Variants in KALRN observed in about 807,000 individuals in gnomAD.
The protein encoded by KALRN is kalirin RhoGEF kinase.
In KALRN, 70 loss-of-function variants were observed where a neutral mutation model predicts 353.7. That is an observed-to-expected ratio of 0.20 (90% CI 0.16 to 0.24). KALRN has a LOEUF of 0.24. Ranked by LOEUF, KALRN falls within the 10% of genes least tolerant of loss-of-function variation. The pLI, the probability that KALRN is intolerant of heterozygous loss-of-function variation, is 1.00. For synonymous variants in KALRN, 1,391 were observed against 1,434.8 expected, an observed-to-expected ratio of 0.97 and a Z score of 0.69; for missense variants, 2,791 against 3,756.7, an observed-to-expected ratio of 0.74 and a Z score of 6.72.
chr3:124,107,584 C>CT (rs930332676), intron 1 of KALRN, among the ~76,000 whole-genome samples: 2 of 152,124 alleles, frequency 1.3e-5, no homozygotes, highest in African/African-American at 4.8e-5. Context: ...TAACTGCTGC[C>CT]TCATGCCTGG....
At chr3:124,287,518 A>G (rs1434010535) in intron 5 of KALRN, among the ~76,000 whole-genome samples, 1 of 151,442 alleles carries the variant, frequency 6.6e-6, no homozygotes, top group East Asian at 2.0e-4. Flanking sequence ...AAATATCCTC[A>G]GGGAGAAAGC....
At chr3:124,116,749 A>G (rs565673602) in intron 1 of KALRN, among the ~76,000 whole-genome samples, 17 of 152,360 alleles carry the variant, frequency 1.1e-4, no homozygotes, top group Middle Eastern at 3.4e-3. Context: ...ATTAACAGCA[A>G]TAACTAATAA....
intron 37 of KALRN, among the ~76,000 whole-genome samples, chr3:124,644,716 C>T (rs1479762776): frequency 6.6e-6 from 1 of 152,184 alleles, no homozygotes; most frequent in Non-Finnish European, 1.5e-5. Flanking sequence ...TTTCTTTATC[C>T]AGTCTATCAT....
At chr3:124,091,934 G>A (rs1446847860) in intron 1 of KALRN, among the ~76,000 whole-genome samples, 2 of 152,182 alleles carry the variant, frequency 1.3e-5, no homozygotes, top group African/African-American at 4.8e-5. Flanking sequence ...ACTTCTGGAG[G>A]GGCTGCATTT....
intron 9 of KALRN, among the ~76,000 whole-genome samples, chr3:124,336,624 A>G (rs1357995835): frequency 6.6e-6 from 1 of 152,090 alleles, no homozygotes; most frequent in African/African-American, 2.4e-5. Context: ...AACTGCTGTA[A>G]TCTGACTTTT....
chr3:124,640,014 G>A (rs1327127262), intron 37 of KALRN, among the ~76,000 whole-genome samples: 1 of 152,160 alleles, frequency 6.6e-6, no homozygotes, highest in Non-Finnish European at 1.5e-5. Context: ...ATGCTTGGGA[G>A]CACTAAGTTG....
intron 5 of KALRN, among the ~76,000 whole-genome samples, chr3:124,280,259 G>A (rs2075207338): frequency 6.6e-6 from 1 of 152,178 alleles, no homozygotes; most frequent in Non-Finnish European, 1.5e-5. Context: ...AGCTTTGTGA[G>A]GCAGCCTGTT....
At chr3:124,302,801 C>G (rs1192887784) in intron 6 of KALRN, among the ~76,000 whole-genome samples, 1 of 151,826 alleles carries the variant, frequency 6.6e-6, no homozygotes, top group Non-Finnish European at 1.5e-5. Flanking sequence ...TGGCTACCTT[C>G]TCACTGTGCT....
At chr3:124,674,915 G>A in intron 49 of KALRN, 1 of 236,342 alleles carries the variant, frequency 4.2e-6, no homozygotes, top group Admixed American at 5.6e-5. Context: ...GAAACCCTAG[G>A]TGACAAAAGG....
intron 1 of KALRN, among the ~76,000 whole-genome samples, chr3:124,092,942 G>A (rs537587457): frequency 2.0e-5 from 3 of 152,268 alleles, no homozygotes; most frequent in African/African-American, 7.2e-5. Flanking sequence ...AGGAGGAGGG[G>A]TTTGCATTCT....
Position 124,385,170 on chromosome 3 carries a change from T to C in KALRN, c.1962+134T>C, listed in dbSNP as rs376527032. The stretch of plus-strand genomic sequence containing the variant: ...ACTAACTTCCTAACTTTGGTAATAT[T>C]AACAATTCATTCCTGATAGCCTGCA... On this transcript the variant is annotated intron_variant, in intron 11 of 59. Coordinates refer to ENST00000682506, the MANE Select transcript of KALRN (RefSeq NM_001388419.1). 2.4e-5 allele frequency: 16 copies of C among 672,864 alleles called. No individual in the cohort carries two copies. In the East Asian group the frequency reaches 2.6e-4, roughly 11 times the overall value. 41.7% of individuals were successfully genotyped at this position (672,864 alleles called of 1,614,324 possible).
At chr3:124,682,933 G>T (rs530949699) in intron 51 of KALRN, among the ~76,000 whole-genome samples, 2 of 152,218 alleles carry the variant, frequency 1.3e-5, no homozygotes, top group South Asian at 4.2e-4. Flanking sequence ...TTGGCTCTAG[G>T]TCTATGCCAT....
chr3:124,610,670 C>T (rs957804101), intron 34 of KALRN, among the ~76,000 whole-genome samples: 1 of 151,844 alleles, frequency 6.6e-6, no homozygotes, highest in Non-Finnish European at 1.5e-5. Flanking sequence ...TCAGCAATAC[C>T]CCAGATATCA....
intron 1 of KALRN, among the ~76,000 whole-genome samples, chr3:124,099,975 C>T (rs958173163): frequency 2.0e-5 from 3 of 152,108 alleles, no homozygotes; most frequent in South Asian, 2.1e-4. Context: ...ACCAGCCTGG[C>T]CAACATGGTG....
rs2063386665 is a variant in KALRN at position 124,723,756 on chromosome 3, CA to C, written c.*4287del. On this transcript the variant is annotated 3_prime_UTR_variant, in exon 60 of 60. Transcript: ENST00000682506. ...TCTTATGTCCATAAGTTGTTTTCTCCAGTATTTCTTATGGCAGATGCGAAGA... is the reference window on the plus strand; with the variant it reads ...TCTTATGTCCATAAGTTGTTTTCTCCGTATTTCTTATGGCAGATGCGAAGA... The C allele has an allele frequency of 6.6e-6, 1 of 152,118 alleles. No individual in the cohort carries two copies. The highest frequency in any genetic ancestry group is 2.1e-4 in the South Asian group (1 of 4,818). The allele number at this position is 152,118 out of a possible 1,614,324, so 9.4% of individuals were successfully genotyped here.
intron 14 of KALRN, among the ~76,000 whole-genome samples, 156 bp from the exon 15 acceptor site, chr3:124,422,656 G>T (rs1373928): frequency 6.6e-6 from 1 of 152,138 alleles, no homozygotes; most frequent in South Asian, 2.1e-4. Flanking sequence ...AAACAAGGGC[G>T]CATTGTGGTG....
intron 5 of KALRN, among the ~76,000 whole-genome samples, chr3:124,297,895 A>G (rs944224291): frequency 1.6e-4 from 25 of 152,262 alleles, no homozygotes; most frequent in African/African-American, 6.0e-4. Context: ...ATTTGAGGTC[A>G]GAGCCACATA....
chr3:124,368,389 G>A (rs1232750054), intron 10 of KALRN, among the ~76,000 whole-genome samples: 1 of 141,076 alleles, frequency 7.1e-6, no homozygotes, highest in African/African-American at 2.7e-5. Context: ...AGACGGGGTC[G>A]CGGCCGGGCA....
chr3:124,712,979 G>A lies in KALRN; in HGVS notation c.8120G>A (p.Arg2707His), dbSNP rs756112179. Residue 2707 changes from arginine to histidine, a missense_variant, in exon 58 of 60, where the codon CGC becomes CAC. Physicochemically the swap from Arg to His is conservative, Grantham distance 29 (BLOSUM62 0). Coordinates refer to ENST00000682506, the MANE Select transcript of KALRN (RefSeq NM_001388419.1). ...AAGAAATGCATTCACAAAGCTACCC[G>A]CAAAGATGTGGCTGTGAAATTTGTT... ...IVKKCIHKATRKDVAVKFVSK... is the reference protein window; with the variant it reads ...IVKKCIHKATHKDVAVKFVSK... The A allele has an allele frequency of 9.3e-6, 15 of 1,613,880 alleles. No homozygotes were observed. Among genetic ancestry groups the A allele is most frequent in the Middle Eastern group, 1.6e-4 (1 of 6,062 alleles).
Sources: allele counts gnomAD v4.1 joint callset (sites outside exome capture counted in the v4.1 genomes callset), GRCh38; gene constraint gnomAD v4.1.1; transcripts MANE v1.5; gene names NCBI Gene and HGNC (gene_info 2026-07-23, HGNC 2026-07-21).